The following EDA variants were observed in gnomAD, a reference collection of about 807,000 sequenced individuals.
EDA encodes the protein ectodysplasin-A.
A neutral mutation model predicts 23.6 loss-of-function variants in EDA; 2 were observed. That is an observed-to-expected ratio of 0.08 (90% confidence interval 0.03 to 0.27). The LOEUF (loss-of-function observed/expected upper bound fraction) is 0.27, where lower values mean the gene tolerates loss of function less well. EDA is among the 10% of genes least tolerant of loss of function. EDA has a pLI of 1.00. For missense variants in EDA, 229 were observed against 324.2 expected (o/e 0.71, Z 2.26); for synonymous variants, 131 against 132.0 (o/e 0.99, Z 0.05).
At chrX:69,639,381 A>AC (rs1932815136) in intron 1 of EDA, among the ~76,000 whole-genome samples, 1 of 111,690 alleles carries the variant, frequency 9.0e-6, no homozygotes, top group Non-Finnish European at 1.9e-5. Flanking sequence ...TCGCATTTTT[A>AC]CCAGAGGTGT....
At chrX:70,005,450 G>C (rs1225094329) in intron 2 of EDA, among the ~76,000 whole-genome samples, 1 of 111,045 alleles carries the variant, frequency 9.0e-6, no homozygotes, top group Non-Finnish European at 1.9e-5. Flanking sequence ...TTAGGAGCTG[G>C]AGATACAGAG....
intron 1 of EDA, among the ~76,000 whole-genome samples, chrX:69,837,528 GA>G (rs2016804988): frequency 8.9e-6 from 1 of 112,216 alleles, no homozygotes; most frequent in Non-Finnish European, 1.9e-5. Context: ...TGTTGCATAT[GA>G]TTTTTTTGTT....
chrX:69,740,975 A>G (rs1483948098), intron 1 of EDA, among the ~76,000 whole-genome samples: 1 of 109,611 alleles, frequency 9.1e-6, no homozygotes, highest in African/African-American at 3.3e-5. Context: ...TTTCAACTCT[A>G]CAACTTCCAT....
intron 2 of EDA, among the ~76,000 whole-genome samples, chrX:69,973,668 A>C (rs1467608833): frequency 5.4e-5 from 6 of 111,653 alleles, no homozygotes; most frequent in African/African-American, 1.6e-4. Context: ...ATACGACAGG[A>C]GACTTATACA....
chrX:69,951,122 AT>A (rs1215550489), intron 1 of EDA, among the ~76,000 whole-genome samples: 51 of 109,551 alleles, frequency 4.7e-4, no homozygotes, highest in Non-Finnish European at 4.0e-4. Flanking sequence ...AAAAAAAGAT[AT>A]GAAAGTCTCT....
intron 1 of EDA, among the ~76,000 whole-genome samples, chrX:69,699,441 C>T (rs752804495): frequency 8.1e-5 from 9 of 111,013 alleles, no homozygotes; most frequent in Non-Finnish European, 1.7e-4. Context: ...ATAGAGCATA[C>T]ACTTGGAGGA....
intron 1 of EDA, among the ~76,000 whole-genome samples, chrX:69,920,982 ATTTATG>A (rs2018423338): frequency 4.1e-5 from 4 of 97,445 alleles, no homozygotes; most frequent in African/African-American, 1.6e-4. Flanking sequence ...TTATTTATTT[ATTTATG>A]TCTAGATAAA....
intron 1 of EDA, among the ~76,000 whole-genome samples, chrX:69,750,884 T>C (rs1313250337): frequency 8.9e-6 from 1 of 111,949 alleles, no homozygotes; most frequent in Non-Finnish European, 1.9e-5. Flanking sequence ...GATTTTTTTC[T>C]TATAAATTTG....
chrX:70,035,270 G>A (rs764243802), intron 7 of EDA, 88 bp from the exon 8 acceptor site: 1 of 1,058,986 alleles, frequency 9.4e-7, no homozygotes, highest in South Asian at 2.0e-5. Flanking sequence ...CAGCTCATCT[G>A]AGAAGATTCT....
chrX:69,951,281 C>A (rs2018922771), intron 1 of EDA, among the ~76,000 whole-genome samples: 1 of 111,401 alleles, frequency 9.0e-6, no homozygotes, highest in South Asian at 3.8e-4. Context: ...CTAGAGGATG[C>A]AGCAACAAGA....
intron 5 of EDA, among the ~76,000 whole-genome samples, chrX:70,029,785 G>A (rs1338373811): frequency 8.9e-6 from 1 of 112,481 alleles, no homozygotes; most frequent in Non-Finnish European, 1.9e-5. Context: ...GGAGACCCCA[G>A]GTTCACCATA....
At chrX:69,971,542 T>A (rs1265832338) in intron 2 of EDA, among the ~76,000 whole-genome samples, 2 of 111,382 alleles carry the variant, frequency 1.8e-5, no homozygotes, top group Non-Finnish European at 3.8e-5. Flanking sequence ...CTCAAGCCAG[T>A]CCCCCTCCTT....
At chrX:70,033,622 C>A in intron 7 of EDA, 94 bp downstream of exon 7, 5 of 1,025,473 alleles carry the variant, frequency 4.9e-6, no homozygotes, top group African/African-American at 1.9e-5. Context: ...CAAGACCATC[C>A]AATGGCTAAC....
At chrX:69,883,140 C>T (rs2017775719) in intron 1 of EDA, among the ~76,000 whole-genome samples, 1 of 112,514 alleles carries the variant, frequency 8.9e-6, no homozygotes, top group African/African-American at 3.2e-5. Context: ...GCATGGCCTA[C>T]ATTTCTCAAG....
chrX:69,834,201 C>T (rs965675304), intron 1 of EDA, among the ~76,000 whole-genome samples: 7 of 110,607 alleles, frequency 6.3e-5, no homozygotes, highest in Non-Finnish European at 1.3e-4. Context: ...GTGGAGAGTT[C>T]TGTAGATGTC....
At chrX:69,913,006 G>A (rs2018290849) in intron 1 of EDA, among the ~76,000 whole-genome samples, 1 of 111,215 alleles carries the variant, frequency 9.0e-6, no homozygotes, top group African/African-American at 3.3e-5. Context: ...GATCTCAGGT[G>A]ATCTAACTGC....
intron 1 of EDA, among the ~76,000 whole-genome samples, chrX:69,715,064 ATTT>A (rs60745776): frequency 5.9e-4 from 47 of 80,109 alleles, no homozygotes; most frequent in Non-Finnish European, 5.6e-4. Context: ...CTTTCAACCC[ATTT>A]TTTTTTTTTT....
intron 1 of EDA, among the ~76,000 whole-genome samples, chrX:69,754,999 C>T (rs1054032530): frequency 8.9e-6 from 1 of 111,741 alleles, no homozygotes; most frequent in African/African-American, 3.3e-5. Flanking sequence ...TGGGTTTGAA[C>T]GTCCTCCTTT....
rs745882012 is a variant in EDA at position 69,748,870 on chromosome X, G to A, written c.396+132166G>A. 3.6e-5 allele frequency among the ~76,000 whole-genome samples: 4 copies of A among 111,877 alleles called. No individual in the cohort carries two copies. The South Asian group carries it at 1.5e-3, about 42-fold the overall frequency. ...ACCCATGTCAGTGTTTGTTAAATAAGATAAAATGAATAAGCATTTGAATAG... is the reference window on the plus strand; with the variant it reads ...ACCCATGTCAGTGTTTGTTAAATAAAATAAAATGAATAAGCATTTGAATAG... On this transcript the variant is annotated intron_variant, in intron 1 of 7. Transcript: ENST00000374552.
Sources: gnomAD v4.1 joint callset for allele counts (sites outside exome capture counted in the v4.1 genomes callset) on GRCh38, gnomAD v4.1.1 for gene constraint, MANE v1.5 for transcripts, NCBI Gene and HGNC (gene_info 2026-07-23, HGNC 2026-07-21) for gene names.